CNBD1: variants seen among roughly 807,000 people sequenced by gnomAD.
CNBD1 encodes cyclic nucleotide binding domain containing 1.
Under a neutral mutation model 54.4 loss-of-function variants are expected in CNBD1, and 71 were observed. The ratio of observed to expected loss-of-function variants is 1.30; its 90% confidence interval spans 1.08 to 1.59. CNBD1 has a LOEUF of 1.59. Among genes scored for constraint, CNBD1 ranks in the 40% most tolerant of loss-of-function variants. The pLI is 0.00. For missense variants in CNBD1, 659 were observed against 518.0 expected (o/e 1.27, Z -2.64); for synonymous variants, 182 against 170.7 (o/e 1.07, Z -0.51).
intron 8 of CNBD1, among the ~76,000 whole-genome samples, chr8:87,308,913 A>G (rs1809210454): frequency 6.6e-6 from 1 of 152,104 alleles, no homozygotes; most frequent in Non-Finnish European, 1.5e-5. Flanking sequence ...GCTGCATATG[A>G]CAGCATTTAG....
intron 4 of CNBD1, among the ~76,000 whole-genome samples, chr8:87,154,016 G>C (rs1034591701): frequency 6.6e-6 from 1 of 152,144 alleles, no homozygotes; most frequent in Admixed American, 6.6e-5. Context: ...GTTGAGACGA[G>C]TGGAGAGCCA....
At chr8:87,191,914 T>C (rs1005326100) in intron 4 of CNBD1, among the ~76,000 whole-genome samples, 16 of 152,140 alleles carry the variant, frequency 1.1e-4, no homozygotes, top group Non-Finnish European at 2.2e-4. Flanking sequence ...AGCGCATATA[T>C]GAAAGAAATT....
chr8:86,883,094 G>A (rs1808627854), intron 1 of CNBD1, among the ~76,000 whole-genome samples: 1 of 151,978 alleles, frequency 6.6e-6, no homozygotes, highest in Admixed American at 6.6e-5. Flanking sequence ...TCTGGGTGAT[G>A]AAATAATGCA....
intron 4 of CNBD1, among the ~76,000 whole-genome samples, chr8:86,968,974 A>G (rs1808156816): frequency 6.6e-6 from 1 of 152,168 alleles, no homozygotes; most frequent in Admixed American, 6.5e-5. Flanking sequence ...GGAGCCCACA[A>G]GGAATTTTCT....
chr8:87,273,260 T>C (rs1290483677), intron 6 of CNBD1, among the ~76,000 whole-genome samples: 1 of 151,962 alleles, frequency 6.6e-6, no homozygotes, highest in Non-Finnish European at 1.5e-5. Flanking sequence ...TTGAATTAAA[T>C]ATTCAATAAT....
intron 3 of CNBD1, among the ~76,000 whole-genome samples, chr8:86,922,447 A>G (rs1429089670): frequency 6.6e-6 from 1 of 152,142 alleles, no homozygotes; most frequent in Admixed American, 6.6e-5. Flanking sequence ...GAAAGTTTGT[A>G]TTAATAGAAA....
At chr8:86,972,195 C>T (rs1464238381) in intron 4 of CNBD1, among the ~76,000 whole-genome samples, 1 of 152,146 alleles carries the variant, frequency 6.6e-6, no homozygotes, top group Non-Finnish European at 1.5e-5. Context: ...CGTGATCCAC[C>T]CACCTCGGCC....
chr8:86,973,737 C>A (rs1343409940), intron 4 of CNBD1, among the ~76,000 whole-genome samples: 2 of 152,152 alleles, frequency 1.3e-5, no homozygotes, highest in Non-Finnish European at 2.9e-5. Context: ...AGAGCTTAAA[C>A]CAGACAGGGA....
At chr8:86,962,991 TGAG>T (rs1807971588) in intron 4 of CNBD1, among the ~76,000 whole-genome samples, 1 of 152,048 alleles carries the variant, frequency 6.6e-6, no homozygotes, top group Non-Finnish European at 1.5e-5. Context: ...AGGATACACT[TGAG>T]GAGTGCAGGC....
At chr8:87,032,734 GC>G (rs1234079380) in intron 4 of CNBD1, among the ~76,000 whole-genome samples, 1 of 152,090 alleles carries the variant, frequency 6.6e-6, no homozygotes, top group East Asian at 1.9e-4. Flanking sequence ...TAGTTTCATT[GC>G]CCATATTGTA....
chr8:87,271,466 G>A (rs939916495), intron 6 of CNBD1, among the ~76,000 whole-genome samples: 1 of 151,802 alleles, frequency 6.6e-6, no homozygotes, highest in Non-Finnish European at 1.5e-5. Flanking sequence ...TTTGTTTCAA[G>A]GAATTTTTAA....
intron 3 of CNBD1, among the ~76,000 whole-genome samples, chr8:86,939,128 T>C (rs1232925534): frequency 6.6e-6 from 1 of 152,150 alleles, no homozygotes; most frequent in Admixed American, 6.5e-5. Context: ...TAACATACCA[T>C]AGCACAAGAA....
chr8:86,878,562 T>C (rs1808559877), intron 1 of CNBD1, among the ~76,000 whole-genome samples: 1 of 142,708 alleles, frequency 7.0e-6, no homozygotes, highest in Admixed American at 7.3e-5. Flanking sequence ...CTCTGTATTA[T>C]CACAACTTTA....
intron 8 of CNBD1, among the ~76,000 whole-genome samples, chr8:87,342,616 T>C (rs1236962592): frequency 1.3e-5 from 2 of 152,004 alleles, no homozygotes; most frequent in Non-Finnish European, 2.9e-5. Flanking sequence ...AGAGAAAGGG[T>C]ATAAAGAGAG....
intron 10 of CNBD1, among the ~76,000 whole-genome samples, chr8:87,358,579 C>T (rs1810466573): frequency 6.6e-6 from 1 of 151,202 alleles, no homozygotes; most frequent in South Asian, 2.1e-4. Flanking sequence ...AAAAACAGAA[C>T]CAATAGGATA....
At chr8:87,111,300 C>T (rs894441534) in intron 4 of CNBD1, among the ~76,000 whole-genome samples, 1 of 152,106 alleles carries the variant, frequency 6.6e-6, no homozygotes, top group Non-Finnish European at 1.5e-5. Flanking sequence ...GGCCCATGTA[C>T]CCAGCAGAAA....
At chr8:87,370,123 A>G (rs539207888) in intron 10 of CNBD1, among the ~76,000 whole-genome samples, 2,670 of 151,560 alleles carry the variant, frequency 0.018, 83 homozygotes, top group African/African-American at 0.059. Context: ...AATCCAGTCT[A>G]TCATTGTTGG....
At chr8:87,286,782 CTAATT>C in intron 8 of CNBD1, 111 bp downstream of exon 8, 1 of 751,076 alleles carries the variant, frequency 1.3e-6, no homozygotes, top group Non-Finnish European at 2.1e-6. Context: ...TAAATATTCT[CTAATT>C]TATTTGATAA....
At chr8:86,899,386 A>G (rs1000335465) in intron 2 of CNBD1, among the ~76,000 whole-genome samples, 7 of 152,098 alleles carry the variant, frequency 4.6e-5, no homozygotes, top group Non-Finnish European at 1.0e-4. Flanking sequence ...TTGCTTCCCT[A>G]TAGAAATCTT....
Sources: gnomAD v4.1 joint callset for allele counts (sites outside exome capture counted in the v4.1 genomes callset) on GRCh38, gnomAD v4.1.1 for gene constraint, MANE v1.5 for transcripts, NCBI Gene and HGNC (gene_info 2026-07-23, HGNC 2026-07-21) for gene names.